Variants in SIN3A observed in about 807,000 individuals in gnomAD.
SIN3A encodes the protein paired amphipathic helix protein Sin3a.
Under a neutral mutation model 146.1 loss-of-function variants are expected in SIN3A, and 14 were observed. That is an observed-to-expected ratio of 0.10 (90% CI 0.06 to 0.15). The LOEUF is 0.15. Ranked by LOEUF, SIN3A falls within the 10% of genes least tolerant of loss-of-function variation. SIN3A has a pLI of 1.00. For missense variants in SIN3A, 1,028 were observed against 1,576.0 expected (o/e 0.65, Z 5.89); for synonymous variants, 572 against 572.0 (o/e 1.00, Z 0.00).
chr15:75,398,479 C>T (rs989440797), intron 12 of SIN3A, among the ~76,000 whole-genome samples: 1 of 151,938 alleles, frequency 6.6e-6, no homozygotes, highest in Non-Finnish European at 1.5e-5. Flanking sequence ...AGTTCAAGAC[C>T]AGCCTGGTCA....
rs780797915 is a variant in SIN3A, at chr15:75,396,384, G to C, written c.1967C>G (p.Thr656Ser). ...GATGACTTCTGATGTGCCCCCAAGG[G>C]TGTTGTCCAAGCGAAATTTGGCTTG... ...EEQAKFRLDN[T>S]LGGTSEVIHR... Residue 656 changes from threonine to serine, a missense_variant, in exon 13 of 21, where the codon ACC (threonine) becomes AGC (serine). Physicochemically the swap from Thr to Ser is moderately conservative, Grantham distance 58. Coordinates refer to ENST00000394947, the MANE Select transcript of SIN3A (RefSeq NM_001145358.2). The C allele has an allele frequency of 6.2e-7, 1 of 1,614,032 alleles. No homozygotes were observed. The highest frequency in any genetic ancestry group is 1.3e-5 in the African/African-American group (1 of 74,900).
At chr15:75,405,439 A>G (rs766069791) in intron 9 of SIN3A, among the ~76,000 whole-genome samples, 10 of 151,336 alleles carry the variant, frequency 6.6e-5, no homozygotes, top group Non-Finnish European at 8.8e-5. Flanking sequence ...TGTCAAGTTC[A>G]ATTGTCTAAT....
intron 14 of SIN3A, 63 bp from the exon 15 acceptor site, chr15:75,392,878 A>C: frequency 8.3e-7 from 1 of 1,202,934 alleles, no homozygotes; most frequent in Non-Finnish European, 1.2e-6. Flanking sequence ...TGTCTACAAG[A>C]CCACATCAGC....
intron 1 of SIN3A, among the ~76,000 whole-genome samples, chr15:75,445,782 G>GA (rs2074297540): frequency 2.1e-5 from 3 of 145,010 alleles, no homozygotes; most frequent in East Asian, 2.0e-4. Flanking sequence ...AAAAAAGAAA[G>GA]AAAGAAAAGA....
At chr15:75,404,344 C>A (rs1433519580) in intron 9 of SIN3A, among the ~76,000 whole-genome samples, 2 of 152,206 alleles carry the variant, frequency 1.3e-5, no homozygotes, top group African/African-American at 2.4e-5. Flanking sequence ...TCACCCCAAC[C>A]TCAATGATCT....
intron 3 of SIN3A, 111 bp downstream of exon 3, chr15:75,422,536 C>T (rs372510391): frequency 5.6e-5 from 68 of 1,222,570 alleles, no homozygotes; most frequent in South Asian, 4.3e-4. Flanking sequence ...ACTTGTGATT[C>T]GACAGCTAGT....
At chr15:75,412,503 G>A (rs1432758588) in intron 5 of SIN3A, among the ~76,000 whole-genome samples, 2 of 152,202 alleles carry the variant, frequency 1.3e-5, no homozygotes, top group Admixed American at 1.3e-4. Flanking sequence ...CACCTGTTGG[G>A]ATGTTCATGG....
intron 3 of SIN3A, 98 bp downstream of exon 3, chr15:75,422,549 C>T: frequency 7.6e-7 from 1 of 1,322,152 alleles, no homozygotes; most frequent in Non-Finnish European, 1.1e-6. Flanking sequence ...CAGCTAGTAT[C>T]TCAGGTTAGA....
At chr15:75,408,293 T>C (rs948799379) in intron 8 of SIN3A, among the ~76,000 whole-genome samples, 3 of 152,190 alleles carry the variant, frequency 2.0e-5, no homozygotes, top group Admixed American at 1.3e-4. Context: ...AATGAAGAAA[T>C]AGAAACCATT....
At chr15:75,382,566 AT>A (rs2072992308) in intron 17 of SIN3A, among the ~76,000 whole-genome samples, 1 of 152,232 alleles carries the variant, frequency 6.6e-6, no homozygotes, top group African/African-American at 2.4e-5. Flanking sequence ...CAATACAGGC[AT>A]TAATTCTCTA....
intron 12 of SIN3A, among the ~76,000 whole-genome samples, chr15:75,399,541 AAAACAAACAAACAAAC>A (rs143263622): frequency 6.6e-6 from 1 of 151,490 alleles, no homozygotes; most frequent in Non-Finnish European, 1.5e-5. Flanking sequence ...AAAACAAAAC[AAAACAAACAAACAAAC>A]AAACAAAAAA....
chr15:75,435,807 T>A (rs1262195839), intron 1 of SIN3A, among the ~76,000 whole-genome samples: 3 of 152,160 alleles, frequency 2.0e-5, no homozygotes, highest in Non-Finnish European at 4.4e-5. Context: ...TTTGTACATT[T>A]CATTGTATGT....
At chr15:75,387,562 A>T (rs28562366) in intron 16 of SIN3A, among the ~76,000 whole-genome samples, 3 of 27,490 alleles carry the variant, frequency 1.1e-4, no homozygotes, top group South Asian at 8.1e-4. Context: ...TGTTTCCATT[A>T]AAAAAAAAAA....
chr15:75,371,406 G>A lies in SIN3A; in HGVS notation c.*573C>T, dbSNP rs56757384. ...TCGTCAGGAATAAAATCCACAAGAT[G>A]ATCAATCCCAAAGCCAAACTGCAGG... On this transcript the variant is annotated 3_prime_UTR_variant, in exon 21 of 21. Coordinates refer to ENST00000394947, the MANE Select transcript of SIN3A (RefSeq NM_001145358.2). 6.6e-6 allele frequency: 1 copy of A among 152,342 alleles called. No individual in the cohort carries two copies. The highest frequency in any genetic ancestry group is 2.4e-5 in the African/African-American group (1 of 41,502). 9.4% of individuals were successfully genotyped at this position (152,342 alleles called of 1,614,324 possible).
rs1305951281 is a variant in SIN3A, at chr15:75,374,685, TG to T, written c.3591+979del. Among the ~76,000 whole-genome samples, 9 of 152,232 alleles carry T rather than the reference TG, an allele frequency of 5.9e-5. No homozygotes were observed. The South Asian group carries it at 6.2e-4, about 10-fold the overall frequency. ...AGCCACAATGGTGTTTGTAATTTCT[TG>T]AATATGCCAAGTCCTTTCCTCCCAG... On this transcript the variant is annotated intron_variant, in intron 20 of 20. Transcript: ENST00000394947.
At chr15:75,391,993 C>G (rs2073212768) in intron 15 of SIN3A, among the ~76,000 whole-genome samples, 2 of 152,216 alleles carry the variant, frequency 1.3e-5, no homozygotes, top group Admixed American at 1.3e-4. Context: ...ATACCCCCTT[C>G]CCAGGTGCGT....
At chr15:75,397,902 G>C in intron 12 of SIN3A, among the ~76,000 whole-genome samples, 1 of 152,176 alleles carries the variant, frequency 6.6e-6, no homozygotes, top group East Asian at 1.9e-4. Context: ...TCTTTAGCTT[G>C]ATAACACTCC....
chr15:75,450,384 GC>G (rs2074380928), intron 1 of SIN3A, among the ~76,000 whole-genome samples: 1 of 152,022 alleles, frequency 6.6e-6, no homozygotes, highest in Non-Finnish European at 1.5e-5. Context: ...AGGAAGCCCC[GC>G]CCCGTACAGC....
chr15:75,452,014 T>G (rs921720094), upstream of SIN3A, among the ~76,000 whole-genome samples: 3 of 152,120 alleles, frequency 2.0e-5, no homozygotes, highest in African/African-American at 7.2e-5. Flanking sequence ...TAACCCGCCC[T>G]GCAGCGTCTC....
Sources: gnomAD v4.1 joint callset for allele counts (sites outside exome capture counted in the v4.1 genomes callset) on GRCh38, gnomAD v4.1.1 for gene constraint, MANE v1.5 for transcripts, NCBI Gene and HGNC (gene_info 2026-07-23, HGNC 2026-07-21) for gene names.